KANSL1L: variants seen among roughly 807,000 people sequenced by gnomAD.
KANSL1L encodes the protein KAT8 regulatory NSL complex subunit 1-like protein.
In KANSL1L, 25 loss-of-function variants were observed where a neutral mutation model predicts 108.6. The ratio of observed to expected loss-of-function variants is 0.23; its 90% CI spans 0.17 to 0.32. The LOEUF (loss-of-function observed/expected upper bound fraction) is 0.32, where lower values mean the gene tolerates loss of function less well. KANSL1L is among the 10% of genes least tolerant of loss of function. The pLI, the probability that KANSL1L is intolerant of heterozygous loss-of-function variation, is 1.00. For missense variants in KANSL1L, 1,137 were observed against 1,125.7 expected (o/e 1.01, Z -0.14); for synonymous variants, 405 against 395.1 (o/e 1.03, Z -0.30).
chr2:210,158,388 C>T (rs966505061), intron 1 of KANSL1L, among the ~76,000 whole-genome samples: 3 of 152,140 alleles, frequency 2.0e-5, no homozygotes, highest in Non-Finnish European at 4.4e-5. Context: ...GAAACAGATC[C>T]TTCCCAGTAA....
intron 8 of KANSL1L, among the ~76,000 whole-genome samples, chr2:210,037,959 A>G (rs2094125502): frequency 6.6e-6 from 1 of 152,148 alleles, no homozygotes; most frequent in Non-Finnish European, 1.5e-5. Flanking sequence ...GATTGATATA[A>G]CAATAAATAT....
chr2:210,046,131 T>C (rs1458316537), intron 6 of KANSL1L, among the ~76,000 whole-genome samples: 1 of 152,170 alleles, frequency 6.6e-6, no homozygotes, highest in Non-Finnish European at 1.5e-5. Context: ...ACTAATTCCA[T>C]TAATGACCTC....
In KANSL1L at chr2:210,156,011, C is replaced by T. The variant is rs548180233; in HGVS notation, c.-29-1400G>A. 5.9e-5 allele frequency among the ~76,000 whole-genome samples: 9 copies of T among 152,078 alleles called. No homozygotes were observed. The East Asian group carries it at 7.7e-4, about 13-fold the overall frequency. On this transcript the variant is annotated intron_variant, in intron 1 of 14. Transcript: ENST00000281772. ...AACAATTTCTATGTAATTAAAAAAA[C>T]GGTTACTAGCAAAATGACAGACTAG...
intron 3 of KANSL1L, among the ~76,000 whole-genome samples, chr2:210,106,028 G>A (rs2125441600): frequency 6.6e-6 from 1 of 152,264 alleles, no homozygotes; most frequent in East Asian, 1.9e-4. Flanking sequence ...CCTACTGCAG[G>A]ATAACAAAAG....
At chr2:210,164,937 C>T (rs1687845941) in intron 1 of KANSL1L, among the ~76,000 whole-genome samples, 1 of 149,838 alleles carries the variant, frequency 6.7e-6, no homozygotes, top group Admixed American at 6.7e-5. Flanking sequence ...ACAATCTCAG[C>T]TCACTGCAAC....
At chr2:210,046,238 A>G (rs190588649) in intron 6 of KANSL1L, among the ~76,000 whole-genome samples, 1 of 152,298 alleles carries the variant, frequency 6.6e-6, no homozygotes, top group East Asian at 1.9e-4. Flanking sequence ...TTCAGTCTAT[A>G]GCATTGCATC....
chr2:210,072,495 T>C (rs1194827113), intron 6 of KANSL1L, among the ~76,000 whole-genome samples: 1 of 152,220 alleles, frequency 6.6e-6, no homozygotes, highest in African/African-American at 2.4e-5. Context: ...ACCAGTTTCA[T>C]GTAAAGCAAT....
intron 6 of KANSL1L, among the ~76,000 whole-genome samples, chr2:210,070,305 A>G (rs1432970593): frequency 2.4e-5 from 3 of 124,248 alleles, no homozygotes; most frequent in Non-Finnish European, 4.7e-5. Flanking sequence ...ATCTCCGCTC[A>G]CTGCAAGCTC....
chr2:210,030,038 G>A (rs754773423), intron 9 of KANSL1L, 120 bp from the exon 10 acceptor site: 16 of 467,898 alleles, frequency 3.4e-5, no homozygotes, highest in Non-Finnish European at 5.7e-5. Context: ...GTTTAAATTC[G>A]TGTATTAGAA....
intron 6 of KANSL1L, among the ~76,000 whole-genome samples, chr2:210,074,419 T>C (rs753700235): frequency 7.2e-5 from 11 of 152,216 alleles, no homozygotes; most frequent in Non-Finnish European, 1.5e-4. Context: ...AAAAAGAACA[T>C]GGGCTTTGGA....
At chr2:210,081,620 G>C (rs1156791193) in intron 5 of KANSL1L, among the ~76,000 whole-genome samples, 1 of 152,186 alleles carries the variant, frequency 6.6e-6, no homozygotes, top group South Asian at 2.1e-4. Flanking sequence ...GTTTATCCTT[G>C]CATCAGAAAT....
chr2:210,027,463 T>C (rs2093953777), intron 11 of KANSL1L, 113 bp from the exon 12 acceptor site: 4 of 674,036 alleles, frequency 5.9e-6, no homozygotes, highest in South Asian at 3.6e-5. Flanking sequence ...ATGGTTCAAA[T>C]TGTTGTATTT....
At position 210,153,677 on chromosome 2, in the gene KANSL1L, C is replaced by T. The variant is rs374865793; in HGVS notation, c.906G>A (p.Glu302=). 5.6e-6 allele frequency: 9 copies of T among 1,609,028 alleles called. No individual in the cohort carries two copies. Among genetic ancestry groups the T allele is most frequent in the Non-Finnish European group, 7.6e-6 (9 of 1,177,738 alleles). The change falls in exon 2 of 15, where the codon GAG becomes GAA. Residue 302 remains glutamate (E), a synonymous_variant. Transcript: ENST00000281772. ...TTTTTGCATCATCCCACAATTTATT[C>T]TCTGCAGTCAATGTGTTAACTTCTG... ...IKPEVNTLTA[E]NKLWDDAKNG... is the part of the protein sequence containing the mutation.
At chr2:210,027,569 G>A (rs756500929) in intron 11 of KANSL1L, among the ~76,000 whole-genome samples, 21 of 152,200 alleles carry the variant, frequency 1.4e-4, no homozygotes, top group South Asian at 2.1e-4. Flanking sequence ...TGAATAGTCT[G>A]TTCTGTATAG....
At chr2:210,123,605 T>TGATA (rs1265839119) in intron 3 of KANSL1L, among the ~76,000 whole-genome samples, 1 of 152,044 alleles carries the variant, frequency 6.6e-6, no homozygotes, top group East Asian at 1.9e-4. Flanking sequence ...ATCTAGTATT[T>TGATA]GATAGCACAA....
chr2:210,121,100 A>T (rs1376117929), intron 3 of KANSL1L, among the ~76,000 whole-genome samples: 1 of 152,154 alleles, frequency 6.6e-6, no homozygotes, highest in Non-Finnish European at 1.5e-5. Context: ...TTCCTCAAAG[A>T]CCTAAAGACA....
At chr2:210,089,750 A>G (rs2094674660) in intron 5 of KANSL1L, among the ~76,000 whole-genome samples, 1 of 152,170 alleles carries the variant, frequency 6.6e-6, no homozygotes, top group Non-Finnish European at 1.5e-5. Flanking sequence ...TTGAGGAGAT[A>G]GATTTTTGTA....
At chr2:210,071,401 G>A (rs917346176) in intron 6 of KANSL1L, among the ~76,000 whole-genome samples, 1 of 151,850 alleles carries the variant, frequency 6.6e-6, no homozygotes, top group African/African-American at 2.4e-5. Flanking sequence ...CTAAGTAGCT[G>A]GGACTACAGG....
intron 10 of KANSL1L, among the ~76,000 whole-genome samples, chr2:210,029,404 ATTT>A (rs1215554528): frequency 6.6e-6 from 1 of 152,090 alleles, no homozygotes; most frequent in African/African-American, 2.4e-5. Context: ...TTCGGAATTC[ATTT>A]CTAAACCCTC....
Sources: gnomAD v4.1 joint callset for allele counts (sites outside exome capture counted in the v4.1 genomes callset) on GRCh38, gnomAD v4.1.1 for gene constraint, MANE v1.5 for transcripts, NCBI Gene and HGNC (gene_info 2026-07-23, HGNC 2026-07-21) for gene names.